The following SBNO1 variants were observed in gnomAD, a reference collection of about 807,000 sequenced individuals.
SBNO1 encodes protein strawberry notch homolog 1.
Under a neutral mutation model 173.6 loss-of-function variants are expected in SBNO1, and 23 were observed. The observed-to-expected ratio is 0.13, with a 90% CI of 0.10 to 0.19. The LOEUF is 0.19. SBNO1 is among the 10% of genes least tolerant of loss of function. SBNO1 has a pLI of 1.00. For missense variants in SBNO1, 1,238 were observed against 1,671.2 expected, an observed-to-expected ratio of 0.74 and a Z score of 4.52; for synonymous variants, 632 against 571.5, an observed-to-expected ratio of 1.11 and a Z score of -1.51.
chr12:123,317,097 C>A (rs1869378668), intron 21 of SBNO1, 124 bp downstream of exon 21: 2 of 1,010,292 alleles, frequency 2.0e-6, no homozygotes, highest in Admixed American at 4.2e-5. Flanking sequence ...AGTGGCCTCC[C>A]GAAATGTTGG....
intron 16 of SBNO1, among the ~76,000 whole-genome samples, chr12:123,322,192 G>A (rs1016341124): frequency 6.6e-6 from 1 of 152,122 alleles, no homozygotes; most frequent in African/African-American, 2.4e-5. Context: ...GAGTGCAGTG[G>A]CACAATCATA....
chr12:123,328,671 G>A, intron 10 of SBNO1, 63 bp downstream of exon 10: 1 of 1,264,514 alleles, frequency 7.9e-7, no homozygotes, highest in Non-Finnish European at 1.1e-6. Flanking sequence ...GTTTCCCAAA[G>A]GTCTACCCTT....
At chr12:123,338,358 G>A (rs1872107047) in intron 5 of SBNO1, among the ~76,000 whole-genome samples, 1 of 151,726 alleles carries the variant, frequency 6.6e-6, no homozygotes, top group African/African-American at 2.4e-5. Context: ...TTCAAGACCA[G>A]CCTGGCCAAC....
chr12:123,318,439 G>C (rs1869553477), intron 20 of SBNO1, among the ~76,000 whole-genome samples: 1 of 151,788 alleles, frequency 6.6e-6, no homozygotes, highest in Admixed American at 6.6e-5. Context: ...AAAGTCTACA[G>C]AAAGAGTCTC....
At chr12:123,354,151 C>G (rs968881950) in intron 1 of SBNO1, among the ~76,000 whole-genome samples, 1 of 152,070 alleles carries the variant, frequency 6.6e-6, no homozygotes, top group East Asian at 2.0e-4. Flanking sequence ...AAGAGAGCAA[C>G]GGTTATAAAT....
In SBNO1 at chr12:123,291,869, A is replaced by G. The variant is rs2048517936; in HGVS notation, c.*4039T>C. On this transcript the variant is annotated 3_prime_UTR_variant, in exon 32 of 32. Coordinates refer to ENST00000602398, the MANE Select transcript of SBNO1 (RefSeq NM_001167856.3). Reference sequence around the variant, plus strand: ...TATATACATTTATGTACATATATATAAATACAGCACAAAATTAGAGGGTGG... The same window carrying G: ...TATATACATTTATGTACATATATATGAATACAGCACAAAATTAGAGGGTGG... 6.6e-6 allele frequency: 1 copy of G among 152,112 alleles called. No individual in the cohort carries two copies. The highest frequency in any genetic ancestry group is 6.6e-5 in the Admixed American group (1 of 15,256). The allele number at this position is 152,112 out of a possible 1,614,324, so 9.4% of individuals were successfully genotyped here. A position where few individuals can be genotyped will look rare whatever the true frequency, so the allele number is the denominator to read the frequency against.
rs1466983456 is a variant in SBNO1 at position 123,328,874 on chromosome 12, A to G, written c.1156T>C (p.Ser386Pro). 2 of 1,566,770 alleles carry G rather than the reference A, an allele frequency of 1.3e-6. No individual in the cohort carries two copies. Among genetic ancestry groups the G allele is most frequent in the Non-Finnish European group, 8.7e-7 (1 of 1,152,586 alleles). ...LNKFKYGKIS[S>P]KHNGSVKKGV... is the part of the protein sequence containing the mutation. ...TTTTTCACACTCCCATTATGTTTGG[A>G]AGAAATTTTTCCGTATTTAAACTAA... The change falls in exon 10 of 32, where the codon TCC becomes CCC. Residue 386 changes from serine (S) to proline (P), a missense_variant. Physicochemically the swap from Ser to Pro is moderately conservative, Grantham distance 74 (BLOSUM62 -1). Around this residue, in one of 14 missense-constraint regions of SBNO1, gnomAD observed 56 missense variants for 65.1 expected, o/e 0.86. Transcript: ENST00000602398.
intron 24 of SBNO1, among the ~76,000 whole-genome samples, chr12:123,312,743 G>GA (rs1189197855): frequency 1.3e-5 from 2 of 149,404 alleles, no homozygotes; most frequent in African/African-American, 4.9e-5. Context: ...CCAAATACAC[G>GA]AAAGAAAAAA....
intron 1 of SBNO1, among the ~76,000 whole-genome samples, chr12:123,353,887 T>C (rs897934977): frequency 6.6e-6 from 1 of 152,178 alleles, no homozygotes; most frequent in Non-Finnish European, 1.5e-5. Flanking sequence ...CAGAAGTACA[T>C]TGTTTTAATC....
chr12:123,313,199 TTAAAA>T (rs2138934244), intron 24 of SBNO1, among the ~76,000 whole-genome samples: 1 of 126,894 alleles, frequency 7.9e-6, no homozygotes, highest in South Asian at 2.5e-4. Flanking sequence ...AGACTCGGTC[TTAAAA>T]TAAATAAATA....
intron 5 of SBNO1, among the ~76,000 whole-genome samples, chr12:123,340,581 CAAAA>C (rs752794679): frequency 6.4e-5 from 3 of 46,818 alleles, no homozygotes; most frequent in Non-Finnish European, 8.1e-5. Context: ...GACTCTGTCT[CAAAA>C]AAAAAAAAAA....
Position 123,334,039 on chromosome 12 carries a change from A to G in SBNO1, c.909+14T>C, listed in dbSNP as rs1265335633. 2.6e-6 allele frequency: 4 copies of G among 1,520,294 alleles called. No individual in the cohort carries two copies. The highest frequency in any genetic ancestry group is 1.3e-5 in the South Asian group (1 of 76,592). The allele number at this position is 1,520,294 out of a possible 1,614,324, so 94.2% of individuals were successfully genotyped here. A position where few individuals can be genotyped will look rare whatever the true frequency, so the allele number is the denominator to read the frequency against. Reference sequence around the variant, plus strand: ...GATAAAATAATTATTGTATTATGAAATATTATTGCTTACCTGGGCTGCATA... The same window carrying G: ...GATAAAATAATTATTGTATTATGAAGTATTATTGCTTACCTGGGCTGCATA... On this transcript the variant is annotated intron_variant, in intron 7 of 31. Coordinates refer to ENST00000602398, the MANE Select transcript of SBNO1 (RefSeq NM_001167856.3).
At position 123,328,032 on chromosome 12, in the gene SBNO1, A is replaced by G; in HGVS notation, c.1297-5T>C. ...ATGACACTCATCAAACACTATCTAA[A>G]TGGAATGAGTTAAGGAATGTATCAC... On this transcript the variant is annotated splice_region_variant and splice_polypyrimidine_tract_variant and intron_variant, in intron 10 of 31. Transcript: ENST00000602398. 6.2e-7 allele frequency: 1 copy of G among 1,602,200 alleles called. No homozygotes were observed. The highest frequency in any genetic ancestry group is 1.1e-5 in the South Asian group (1 of 89,936).
intron 4 of SBNO1, among the ~76,000 whole-genome samples, chr12:123,341,555 C>G (rs1335902783): frequency 6.6e-6 from 1 of 152,184 alleles, no homozygotes; most frequent in Admixed American, 6.5e-5. Flanking sequence ...GAGTTTCACT[C>G]TTGTTGCCCA....
chr12:123,341,113 A>G (rs1461242410), intron 4 of SBNO1, 25 bp from the exon 5 acceptor site: 1 of 1,302,938 alleles, frequency 7.7e-7, no homozygotes, highest in Non-Finnish European at 1.1e-6. Flanking sequence ...GTCAAATTAC[A>G]TTTAGAAGAA....
chr12:123,295,767 T>C lies in SBNO1; in HGVS notation c.*141A>G. The C allele has an allele frequency of 9.6e-7, 1 of 1,038,158 alleles. No homozygotes were observed. Among genetic ancestry groups the C allele is most frequent in the Non-Finnish European group, 1.4e-6 (1 of 705,252 alleles). The allele number at this position is 1,038,158 out of a possible 1,614,324, so 64.3% of individuals were successfully genotyped here. A position where few individuals can be genotyped will look rare whatever the true frequency, so the allele number is the denominator to read the frequency against. On this transcript the variant is annotated 3_prime_UTR_variant, in exon 32 of 32. Transcript: ENST00000602398. ...TTCAGTTTTGCTATCTATTCCAGGT[T>C]TGTCCTTACTCCCAAAAAAACTAAC...
intron 20 of SBNO1, among the ~76,000 whole-genome samples, chr12:123,319,256 C>T (rs187069478): frequency 1.6e-4 from 25 of 152,110 alleles, no homozygotes; most frequent in East Asian, 3.9e-4. Context: ...TGAGCCACCA[C>T]GCCTGGAGAA....
chr12:123,336,506 G>T lies in SBNO1; in HGVS notation c.652-15C>A. 6.4e-7 allele frequency: 1 copy of T among 1,560,082 alleles called. No homozygotes were observed. The highest frequency in any genetic ancestry group is 1.7e-4 in the Middle Eastern group (1 of 5,958). On this transcript the variant is annotated splice_polypyrimidine_tract_variant and intron_variant, in intron 5 of 31. Transcript: ENST00000602398. ...ACAGGAACCTTCTGCAACACAGAAA[G>T]AGCACAATCAATCCCAAATCCAGGG... is the stretch of plus-strand genomic sequence containing the variant.
At chr12:123,331,517 C>T in intron 7 of SBNO1, 142 bp from the exon 8 acceptor site, 2 of 832,952 alleles carry the variant, frequency 2.4e-6, no homozygotes, top group South Asian at 2.0e-5. Context: ...ACATAAATTT[C>T]ATAGAGTTTT....
Sources: allele counts gnomAD v4.1 joint callset (sites outside exome capture counted in the v4.1 genomes callset), GRCh38; gene constraint gnomAD v4.1.1; regional missense constraint gnomAD v4.1.1; transcripts MANE v1.5; gene names NCBI Gene and HGNC (gene_info 2026-07-23, HGNC 2026-07-21).